GRB10: variants seen among roughly 807,000 people sequenced by gnomAD.
GRB10 encodes growth factor receptor-bound protein 10.
GRB10 carries 20 observed loss-of-function variants against 80.9 expected under a neutral mutation model. The observed-to-expected ratio is 0.25, with a 90% CI of 0.17 to 0.36. GRB10 has a LOEUF of 0.36. Among genes scored for constraint, GRB10 ranks in the 10% least tolerant of loss-of-function variants. GRB10 has a pLI of 1.00. For missense variants in GRB10, 548 were observed against 747.7 expected (o/e 0.73, Z 3.12); for synonymous variants, 291 against 291.5 (o/e 1.00, Z 0.02).
intron 2 of GRB10, among the ~76,000 whole-genome samples, chr7:50,775,188 G>GGAACAGACAAA (rs1215372250): frequency 3.1e-5 from 2 of 65,316 alleles, no homozygotes; most frequent in East Asian, 9.9e-4. Context: ...AAAAAACAGT[G>GGAACAGACAAA]GAACAGACAA....
At chr7:50,706,777 C>T (rs932544812) in intron 4 of GRB10, among the ~76,000 whole-genome samples, 2 of 152,198 alleles carry the variant, frequency 1.3e-5, no homozygotes, top group African/African-American at 4.8e-5. Context: ...TGAATCACAA[C>T]CCTGATACTC....
intron 6 of GRB10, among the ~76,000 whole-genome samples, chr7:50,673,734 C>A (rs1362862856): frequency 2.0e-5 from 3 of 152,176 alleles, no homozygotes; most frequent in African/African-American, 4.8e-5. Context: ...CCAAACCCAG[C>A]CCCTTCACAC....
intron 15 of GRB10, chr7:50,605,071 G>GA: frequency 1.7e-6 from 1 of 583,572 alleles, no homozygotes; most frequent in Admixed American, 3.0e-5. Context: ...TCCCTTCCAT[G>GA]AAAGCCCAGG....
At chr7:50,726,273 C>T (rs966105810) in intron 4 of GRB10, among the ~76,000 whole-genome samples, 38 of 152,074 alleles carry the variant, frequency 2.5e-4, no homozygotes, top group African/African-American at 8.7e-4. Context: ...TGGTGCATGC[C>T]TATAATTCCA....
intron 2 of GRB10, among the ~76,000 whole-genome samples, chr7:50,756,965 A>G (rs958202653): frequency 3.9e-5 from 6 of 152,188 alleles, no homozygotes; most frequent in Non-Finnish European, 7.4e-5. Context: ...CCTGCCTGCA[A>G]CGTGGGTGAT....
At chr7:50,681,311 G>A (rs1446483599) in intron 5 of GRB10, among the ~76,000 whole-genome samples, 1 of 152,154 alleles carries the variant, frequency 6.6e-6, no homozygotes, top group Admixed American at 6.5e-5. Flanking sequence ...GACTACCATC[G>A]GATATGCAGA....
intron 8 of GRB10, among the ~76,000 whole-genome samples, chr7:50,625,549 C>T (rs2052724724): frequency 6.6e-6 from 1 of 152,174 alleles, no homozygotes; most frequent in Non-Finnish European, 1.5e-5. Context: ...CAAGCTGGAG[C>T]TTGACGGGAC....
chr7:50,777,393 A>G (rs11974751), intron 2 of GRB10, among the ~76,000 whole-genome samples: 93,714 of 150,768 alleles, frequency 0.62, 32,094 homozygotes, highest in Middle Eastern at 0.87. Flanking sequence ...CAACACATGA[A>G]TTTTGGGTGA....
intron 4 of GRB10, among the ~76,000 whole-genome samples, chr7:50,709,386 G>A (rs78512612): frequency 0.01 from 1,598 of 152,294 alleles, 27 homozygotes; most frequent in African/African-American, 0.035. Context: ...GTGGGCGGCC[G>A]AGGGAGCCAG....
intron 8 of GRB10, among the ~76,000 whole-genome samples, 164 bp from the exon 9 acceptor site, chr7:50,619,449 C>G (rs964049723): frequency 6.6e-6 from 1 of 152,210 alleles, no homozygotes; most frequent in Non-Finnish European, 1.5e-5. Context: ...TAATGCATTA[C>G]CAAATGCATA....
intron 14 of GRB10, 80 bp downstream of exon 14, chr7:50,606,257 T>C: frequency 9.0e-7 from 1 of 1,105,844 alleles, no homozygotes; most frequent in Non-Finnish European, 1.4e-6. Flanking sequence ...GCCCACCCTG[T>C]GTGAAATGAG....
chr7:50,644,434 T>C (rs965765142), intron 7 of GRB10, among the ~76,000 whole-genome samples: 1 of 151,836 alleles, frequency 6.6e-6, no homozygotes, highest in African/African-American at 2.4e-5. Flanking sequence ...TCCTCCCTCT[T>C]GTATTGGAAG....
At chr7:50,742,271 GCACACACACA>G (rs55813195) in intron 3 of GRB10, among the ~76,000 whole-genome samples, 79 of 46,910 alleles carry the variant, frequency 1.7e-3, no homozygotes, top group Middle Eastern at 0.024. Context: ...ACGCGCGCGC[GCACACACACA>G]CACACACACA....
At chr7:50,698,660 G>A (rs1239412593) in intron 5 of GRB10, among the ~76,000 whole-genome samples, 2 of 152,152 alleles carry the variant, frequency 1.3e-5, no homozygotes, top group Admixed American at 6.5e-5. Flanking sequence ...CTATTTGTCT[G>A]GCCTTGAACT....
At chr7:50,595,583 TCACACACACACACTCTCTTA>T in intron 17 of GRB10, 53 bp from the exon 18 acceptor site, 2 of 646,454 alleles carry the variant, frequency 3.1e-6, no homozygotes, top group Non-Finnish European at 5.3e-6. Flanking sequence ...CTGGAACTAA[TCACACACACACACTCTCTTA>T]CACACACACA....
At chr7:50,766,488 A>T (rs2076350752) in intron 2 of GRB10, among the ~76,000 whole-genome samples, 1 of 152,192 alleles carries the variant, frequency 6.6e-6, no homozygotes, top group Non-Finnish European at 1.5e-5. Context: ...GGAGTTTTAA[A>T]AAAAAGGGGC....
intron 7 of GRB10, among the ~76,000 whole-genome samples, chr7:50,630,618 G>A: frequency 6.6e-6 from 1 of 152,150 alleles, no homozygotes; most frequent in Non-Finnish European, 1.5e-5. Flanking sequence ...GACCAGTTAA[G>A]ATGCAGCAGG....
intron 10 of GRB10, among the ~76,000 whole-genome samples, chr7:50,616,593 T>A (rs968410412): frequency 6.6e-6 from 1 of 152,334 alleles, no homozygotes; most frequent in East Asian, 1.9e-4. Flanking sequence ...GAGTCATGAA[T>A]TTCCCTATAA....
intron 4 of GRB10, among the ~76,000 whole-genome samples, chr7:50,715,544 G>A (rs904920878): frequency 2.6e-5 from 4 of 152,146 alleles, no homozygotes; most frequent in Non-Finnish European, 5.9e-5. Flanking sequence ...ATTGTGGCAT[G>A]AGCCAAATGT....
Sources: gnomAD v4.1 joint callset for allele counts (sites outside exome capture counted in the v4.1 genomes callset) on GRCh38, gnomAD v4.1.1 for gene constraint, MANE v1.5 for transcripts, NCBI Gene and HGNC (gene_info 2026-07-23, HGNC 2026-07-21) for gene names.